The following KPNA3 variants were observed in gnomAD, a reference collection of about 807,000 sequenced individuals.
KPNA3 encodes importin subunit alpha-4.
In KPNA3, 13 loss-of-function variants were observed where a neutral mutation model predicts 73.8. The ratio of observed to expected loss-of-function variants is 0.18; its 90% CI spans 0.11 to 0.28. KPNA3 has a LOEUF of 0.28. Among genes scored for constraint, KPNA3 ranks in the 10% least tolerant of loss-of-function variants. The pLI is 1.00. For missense variants in KPNA3, 360 were observed against 618.1 expected, an observed-to-expected ratio of 0.58 and a Z score of 4.43; for synonymous variants, 186 against 206.9, an observed-to-expected ratio of 0.90 and a Z score of 0.87.
chr13:49,765,026 C>T (rs528853691), intron 1 of KPNA3, among the ~76,000 whole-genome samples: 6 of 152,126 alleles, frequency 3.9e-5, no homozygotes, highest in Non-Finnish European at 7.4e-5. Context: ...TCCTGGTTTT[C>T]CTCCTCTTTG....
intron 2 of KPNA3, among the ~76,000 whole-genome samples, chr13:49,745,433 C>T (rs1954608188): frequency 1.5e-5 from 2 of 134,848 alleles, no homozygotes; most frequent in Non-Finnish European, 3.4e-5. Context: ...GACCCTGGCT[C>T]ACTGCAGCCC....
chr13:49,703,036 GT>G (rs1271863635), intron 15 of KPNA3, among the ~76,000 whole-genome samples: 4 of 151,246 alleles, frequency 2.6e-5, no homozygotes, highest in African/African-American at 9.7e-5. Context: ...ACCCGGCTAA[GT>G]TTTTCTATTT....
Position 49,718,968 on chromosome 13 carries a change from TA to T in KPNA3, c.771+806del, listed in dbSNP as rs376829414. On this transcript the variant is annotated intron_variant, in intron 10 of 16. Transcript: ENST00000261667. ...TATGTACATGTTATGTGTATGTAGA[TA>T]AAGATTACAAAAACACAAATATACA... Among the ~76,000 whole-genome samples the T allele has an allele frequency of 1.4e-4, 5 of 36,768 alleles. No individual in the cohort carries two copies. The East Asian group carries it at 0.095, about 700-fold the overall frequency. 24.1% of individuals were successfully genotyped at this position (36,768 alleles called of 152,430 possible).
intron 1 of KPNA3, among the ~76,000 whole-genome samples, chr13:49,757,672 A>G (rs1954722897): frequency 6.6e-6 from 1 of 151,654 alleles, no homozygotes; most frequent in African/African-American, 2.4e-5. Flanking sequence ...CATTTATATG[A>G]GATAAATGAA....
At chr13:49,722,830 T>TA (rs10693298) in intron 7 of KPNA3, among the ~76,000 whole-genome samples, 34,254 of 79,686 alleles carry the variant, frequency 0.43, 7,959 homozygotes, top group East Asian at 0.8. Context: ...TATAATCCAT[T>TA]AAAAAAAAAA....
intron 1 of KPNA3, among the ~76,000 whole-genome samples, chr13:49,783,791 G>A (rs1954959859): frequency 6.6e-6 from 1 of 152,074 alleles, no homozygotes; most frequent in Admixed American, 6.6e-5. Context: ...AAACTGTTAA[G>A]TAACTTTCAC....
chr13:49,780,909 C>G (rs1247778961), intron 1 of KPNA3, among the ~76,000 whole-genome samples: 2 of 151,832 alleles, frequency 1.3e-5, no homozygotes, highest in Non-Finnish European at 2.9e-5. Context: ...TTAGTAGAGA[C>G]AGCGTTTCAC....
Position 49,700,776 on chromosome 13 carries a change from TA to T in KPNA3, c.*1023del, listed in dbSNP as rs1028356738. On this transcript the variant is annotated 3_prime_UTR_variant, in exon 17 of 17. Coordinates refer to ENST00000261667, the MANE Select transcript of KPNA3 (RefSeq NM_002267.4). ...CAGTAAACATGAAAGCTCCACAGTT[TA>T]AACCCAATATAAATCAACCATATCC... 9.2e-5 allele frequency: 14 copies of T among 152,452 alleles called. No individual in the cohort carries two copies. The highest frequency in any genetic ancestry group is 3.1e-4 in the African/African-American group (13 of 41,448). The allele number at this position is 152,452 out of a possible 1,614,324, so 9.4% of individuals were successfully genotyped here. A position where few individuals can be genotyped will look rare whatever the true frequency, so the allele number is the denominator to read the frequency against.
At chr13:49,734,946 G>T (rs868301573) in intron 2 of KPNA3, among the ~76,000 whole-genome samples, 22 of 115,440 alleles carry the variant, frequency 1.9e-4, no homozygotes, top group Admixed American at 5.3e-4. Flanking sequence ...TATAGAGAGA[G>T]AGATAGATAG....
At chr13:49,703,156 C>A (rs565010282) in intron 15 of KPNA3, among the ~76,000 whole-genome samples, 1 of 150,236 alleles carries the variant, frequency 6.7e-6, no homozygotes, top group East Asian at 2.0e-4. Context: ...GCGTGAGCCA[C>A]TGCGCCTGGG....
At chr13:49,760,185 A>C (rs1400104495) in intron 1 of KPNA3, among the ~76,000 whole-genome samples, 1 of 152,110 alleles carries the variant, frequency 6.6e-6, no homozygotes, top group Non-Finnish European at 1.5e-5. Context: ...CAATCCAAGA[A>C]GACTGCTTGA....
intron 6 of KPNA3, among the ~76,000 whole-genome samples, chr13:49,732,020 A>T (rs1041967645): frequency 6.6e-6 from 1 of 152,236 alleles, no homozygotes; most frequent in Non-Finnish European, 1.5e-5. Context: ...TCATGAGGTT[A>T]ATCTATATAT....
At chr13:49,725,325 A>T in intron 7 of KPNA3, 91 bp downstream of exon 7, 1 of 583,030 alleles carries the variant, frequency 1.7e-6, no homozygotes, top group South Asian at 3.2e-5. Flanking sequence ...CATTTAAAAA[A>T]TGTTACAAGA....
chr13:49,762,920 T>TAA (rs374167946), intron 1 of KPNA3, among the ~76,000 whole-genome samples: 3 of 125,442 alleles, frequency 2.4e-5, no homozygotes, highest in Admixed American at 8.2e-5. Context: ...AAGGCTGGCT[T>TAA]AAAAAACAAA....
At chr13:49,718,925 C>CACACATAT (rs1284888629) in intron 10 of KPNA3, among the ~76,000 whole-genome samples, 1 of 152,022 alleles carries the variant, frequency 6.6e-6, no homozygotes, top group Non-Finnish European at 1.5e-5. Flanking sequence ...ACAATTCTGC[C>CACACATAT]ACACATATAC....
Position 49,700,360 on chromosome 13 carries a change from T to C in KPNA3, c.*1440A>G, listed in dbSNP as rs1000285546. 4 of 152,650 alleles carry C rather than the reference T, an allele frequency of 2.6e-5. No homozygotes were observed. Among genetic ancestry groups the C allele is most frequent in the African/African-American group, 9.6e-5 (4 of 41,466 alleles). The allele number at this position is 152,650 out of a possible 1,614,324, so 9.5% of individuals were successfully genotyped here. A position where few individuals can be genotyped will look rare whatever the true frequency, so the allele number is the denominator to read the frequency against. Reference sequence around the variant, plus strand: ...CCTTCACATCAATGCATTGGGAAATTATACCCAGTAAACAAGAGCAACAAT... The same window carrying C: ...CCTTCACATCAATGCATTGGGAAATCATACCCAGTAAACAAGAGCAACAAT... On this transcript the variant is annotated 3_prime_UTR_variant, in exon 17 of 17. Transcript: ENST00000261667.
intron 1 of KPNA3, among the ~76,000 whole-genome samples, chr13:49,784,308 C>A (rs1382829308): frequency 1.3e-5 from 2 of 151,904 alleles, no homozygotes; most frequent in Admixed American, 6.6e-5. Flanking sequence ...TAAGAGGAAC[C>A]AGTTAAGCAC....
At chr13:49,783,335 T>G (rs763775668) in intron 1 of KPNA3, among the ~76,000 whole-genome samples, 4 of 152,118 alleles carry the variant, frequency 2.6e-5, no homozygotes, top group Non-Finnish European at 4.4e-5. Context: ...GTAAGAAAAT[T>G]TTTCTTAACA....
intron 1 of KPNA3, among the ~76,000 whole-genome samples, chr13:49,783,025 A>C (rs1363682916): frequency 6.6e-6 from 1 of 152,168 alleles, no homozygotes; most frequent in African/African-American, 2.4e-5. Context: ...GGACAAGCCA[A>C]AAAAATTAAG....
Sources: gnomAD v4.1 joint callset for allele counts (sites outside exome capture counted in the v4.1 genomes callset) on GRCh38, gnomAD v4.1.1 for gene constraint, MANE v1.5 for transcripts, NCBI Gene and HGNC (gene_info 2026-07-23, HGNC 2026-07-21) for gene names.